The following IGSF10 variants were observed in gnomAD, a reference collection of about 807,000 sequenced individuals.
IGSF10 encodes immunoglobulin superfamily member 10, also known as calvaria mechanical force protein 608.
IGSF10 carries 126 observed loss-of-function variants against 128.2 expected under a neutral mutation model. That is an observed-to-expected ratio of 0.98 (90% confidence interval 0.85 to 1.14). The LOEUF (loss-of-function observed/expected upper bound fraction) is 1.14, where lower values mean the gene tolerates loss of function less well. Among genes scored for constraint, IGSF10 ranks in the 50% most tolerant of loss-of-function variants. The pLI is 0.00. For synonymous variants in IGSF10, 1,185 were observed against 1,146.2 expected, an observed-to-expected ratio of 1.03 and a Z score of -0.68; for missense variants, 3,295 against 3,149.8, an observed-to-expected ratio of 1.05 and a Z score of -1.10.
At chr3:151,572,922 G>A in the IGSF10 span, among the ~76,000 whole-genome samples, 4 of 151,586 alleles carry the variant, frequency 2.6e-5, no homozygotes, top group Admixed American at 6.6e-5. Context: ...ATGTTGTGTC[G>A]TTGTGTCTTT....
chr3:151,461,393 T>G (rs1386234977), upstream of IGSF10: 4 of 985,368 alleles, frequency 4.1e-6, no homozygotes, highest in African/African-American at 7.0e-5. Context: ...CAAAGTTCTA[T>G]TTGAAGGCTA....
chr3:151,538,637 G>A, the IGSF10 span, among the ~76,000 whole-genome samples: 1 of 152,116 alleles, frequency 6.6e-6, no homozygotes, highest in African/African-American at 2.4e-5. Flanking sequence ...TAACACTGCT[G>A]ACATCAGACC....
At chr3:151,485,021 T>C in the IGSF10 span, among the ~76,000 whole-genome samples, 2 of 152,266 alleles carry the variant, frequency 1.3e-5, no homozygotes, top group African/African-American at 4.8e-5. Context: ...TAAAGGATCA[T>C]GTTCTAACCC....
At chr3:151,523,598 A>T in the IGSF10 span, among the ~76,000 whole-genome samples, 1 of 152,192 alleles carries the variant, frequency 6.6e-6, no homozygotes, top group East Asian at 1.9e-4. Flanking sequence ...TGGTGCTGGG[A>T]TAACTGGCCA....
chr3:151,571,620 G>T, the IGSF10 span, among the ~76,000 whole-genome samples: 1 of 152,182 alleles, frequency 6.6e-6, no homozygotes, highest in Non-Finnish European at 1.5e-5. Flanking sequence ...GAGATTTTGG[G>T]CTGAGACGAT....
the IGSF10 span, among the ~76,000 whole-genome samples, chr3:151,513,391 T>A: frequency 6.6e-6 from 1 of 152,134 alleles, no homozygotes. Context: ...TCTCAATAGA[T>A]GCAGAAAAGG....
At chr3:151,579,883 G>A in the IGSF10 span, among the ~76,000 whole-genome samples, 2,039 of 23,236 alleles carry the variant, frequency 0.088, 60 homozygotes, top group African/African-American at 0.2. Context: ...GGAAAGGAAG[G>A]AAGGAAGGAA....
chr3:151,493,840 G>T, the IGSF10 span, among the ~76,000 whole-genome samples: 2 of 109,570 alleles, frequency 1.8e-5, no homozygotes, highest in Non-Finnish European at 3.7e-5. Context: ...TTTGTTTTTG[G>T]TTTTTGTTTA....
chr3:151,522,333 A>G, the IGSF10 span, among the ~76,000 whole-genome samples: 1 of 152,118 alleles, frequency 6.6e-6, no homozygotes, highest in African/African-American at 2.4e-5. Flanking sequence ...CTGTTCCCCA[A>G]CTCATTCTAT....
At chr3:151,613,779 T>C in the IGSF10 span, among the ~76,000 whole-genome samples, 1 of 152,078 alleles carries the variant, frequency 6.6e-6, no homozygotes, top group African/African-American at 2.4e-5. Flanking sequence ...GGACTTCATG[T>C]CTAAAACACC....
chr3:151,479,082 A>G, the IGSF10 span, among the ~76,000 whole-genome samples: 3 of 152,234 alleles, frequency 2.0e-5, no homozygotes, highest in East Asian at 5.8e-4. Flanking sequence ...AATGCATAGC[A>G]GCAAGATATT....
At chr3:151,477,079 G>C in the IGSF10 span, among the ~76,000 whole-genome samples, 6 of 152,192 alleles carry the variant, frequency 3.9e-5, 1 homozygote, top group Non-Finnish European at 8.8e-5. Context: ...AACGTTGGTT[G>C]TAAGAATTTT....
the IGSF10 span, among the ~76,000 whole-genome samples, chr3:151,593,514 T>C: frequency 2.0e-5 from 3 of 152,092 alleles, no homozygotes; most frequent in African/African-American, 7.2e-5. Context: ...GATTACCATG[T>C]TGTTTAAGAC....
the IGSF10 span, among the ~76,000 whole-genome samples, chr3:151,596,948 C>T: frequency 6.6e-6 from 1 of 151,988 alleles, no homozygotes; most frequent in Non-Finnish European, 1.5e-5. Context: ...GCCTTCCACA[C>T]TCTGCCAGTA....
the IGSF10 span, among the ~76,000 whole-genome samples, chr3:151,605,259 TA>T: frequency 1.7e-5 from 1 of 58,488 alleles, no homozygotes; most frequent in African/African-American, 7.9e-5. Flanking sequence ...CTATGGTGGT[TA>T]CAAATAAATT....
chr3:151,448,789 G>C lies in IGSF10; in HGVS notation c.1192C>G (p.Pro398Ala). 2.5e-6 allele frequency: 4 copies of C among 1,613,606 alleles called. No homozygotes were observed. The highest frequency in any genetic ancestry group is 3.4e-6 in the Non-Finnish European group (4 of 1,179,546). The change falls in exon 6 of 8, where the codon CCG (proline) becomes GCG (alanine). Residue 398 changes from proline to alanine, a missense_variant. Transcript: ENST00000282466. ...TGTTTATATTTGTAATAGAGCTGCG[G>C]TGTTTCACTAAGCAAGTGGCTCCTT... ...LERSHLLSETPQLYYKYKQVA... is the reference protein window; with the variant it reads ...LERSHLLSETAQLYYKYKQVA...
chr3:151,493,140 A>G, the IGSF10 span, among the ~76,000 whole-genome samples: 1 of 152,178 alleles, frequency 6.6e-6, no homozygotes, highest in Non-Finnish European at 1.5e-5. Context: ...ATAGAATGAA[A>G]TAGCAGTTAC....
the IGSF10 span, among the ~76,000 whole-genome samples, chr3:151,598,136 T>C: frequency 4.0e-5 from 6 of 148,932 alleles, no homozygotes; most frequent in African/African-American, 1.5e-4. Context: ...TGAAAAATAT[T>C]CATTTTTTTG....
chr3:151,451,459 C>G (rs1721505657), intron 5 of IGSF10, among the ~76,000 whole-genome samples: 1 of 152,140 alleles, frequency 6.6e-6, no homozygotes, highest in Admixed American at 6.5e-5. Context: ...TGTCCCCAGC[C>G]CTGGCCAATG....
Sources: gnomAD v4.1 joint callset for allele counts (sites outside exome capture counted in the v4.1 genomes callset) on GRCh38, gnomAD v4.1.1 for gene constraint, MANE v1.5 for transcripts, NCBI Gene and HGNC (gene_info 2026-07-23, HGNC 2026-07-21) for gene names.